Variants in KATNAL2 observed in about 807,000 individuals in gnomAD.
KATNAL2 encodes katanin catalytic subunit A1 like 2, also known as katanin p60 ATPase-containing subunit A-like 2.
KATNAL2 carries 52 observed loss-of-function variants against 76.3 expected under a neutral mutation model. The observed-to-expected ratio is 0.68, with a 90% confidence interval of 0.55 to 0.86. The LOEUF is 0.86. Ranked by LOEUF, KATNAL2 falls within the 40% of genes least tolerant of loss-of-function variation. The probability of loss-of-function intolerance (pLI) is 0.00; values close to 1 mark genes in which losing one functional copy is unlikely to be tolerated. For synonymous variants in KATNAL2, 243 were observed against 244.2 expected (o/e 1.00, Z 0.05); for missense variants, 660 against 668.9 (o/e 0.99, Z 0.15).
intron 14 of KATNAL2, 34 bp downstream of exon 14, chr18:47,075,402 G>GT (rs771370827): frequency 1.2e-5 from 17 of 1,415,720 alleles, no homozygotes; most frequent in East Asian, 8.4e-5. Flanking sequence ...TGTTGTTGTT[G>GT]TTTTTTGTCA....
chr18:47,032,620 G>C (rs2060524613), intron 3 of KATNAL2: 1 of 300,108 alleles, frequency 3.3e-6, no homozygotes, highest in Non-Finnish European at 6.2e-6. Context: ...TCAACTAATG[G>C]CTTGTGTGTT....
chr18:47,084,942 A>G (rs1193906774), intron 15 of KATNAL2, among the ~76,000 whole-genome samples: 1 of 134,216 alleles, frequency 7.5e-6, no homozygotes, highest in Non-Finnish European at 1.6e-5. Context: ...TGGCACCCCC[A>G]CCACCGTCTC....
rs771041874 is a variant in KATNAL2 at position 47,033,023 on chromosome 18, T to C, written c.52-13434T>C. 2.4e-5 allele frequency: 39 copies of C among 1,613,988 alleles called. No individual in the cohort carries two copies. The highest frequency in any genetic ancestry group is 2.8e-5 in the Non-Finnish European group (33 of 1,180,032). ...TGAGTTTATCGTCGGGAGAATCTTC[T>C]CTTGTAGTCTCGAATTGCCTTGGCC... On this transcript the variant is annotated intron_variant, in intron 3 of 17. Coordinates refer to ENST00000683218, the MANE Select transcript of KATNAL2 (RefSeq NM_001387690.1).
chr18:47,067,345 G>T (rs576791346), intron 11 of KATNAL2, among the ~76,000 whole-genome samples: 1 of 152,184 alleles, frequency 6.6e-6, no homozygotes, highest in Non-Finnish European at 1.5e-5. Context: ...TCTGAGCTAA[G>T]TGAAACTTTA....
intron 6 of KATNAL2, among the ~76,000 whole-genome samples, chr18:47,055,261 T>C (rs1043659177): frequency 1.3e-5 from 2 of 152,168 alleles, no homozygotes; most frequent in Non-Finnish European, 1.5e-5. Context: ...CTGTTGCTAT[T>C]ACAGTAGGGC....
intron 10 of KATNAL2, among the ~76,000 whole-genome samples, chr18:47,066,632 G>A (rs577316949): frequency 6.6e-6 from 1 of 152,016 alleles, no homozygotes; most frequent in African/African-American, 2.4e-5. Context: ...CCTAATGTAA[G>A]TTGAAGGCAT....
At chr18:47,087,597 A>G (rs1179279927) in intron 15 of KATNAL2, among the ~76,000 whole-genome samples, 1 of 152,200 alleles carries the variant, frequency 6.6e-6, no homozygotes, top group Non-Finnish European at 1.5e-5. Flanking sequence ...ACTATTGGGT[A>G]CTGGGCTTTG....
At chr18:47,034,488 T>G (rs761587960) in intron 3 of KATNAL2, 1 of 1,614,038 alleles carries the variant, frequency 6.2e-7, no homozygotes, top group African/African-American at 1.3e-5. Flanking sequence ...GGGTTTCCTC[T>G]CTTAAGCAGG....
chr18:47,090,667 T>C (rs1486461117), intron 15 of KATNAL2, among the ~76,000 whole-genome samples: 1 of 151,756 alleles, frequency 6.6e-6, no homozygotes, highest in Non-Finnish European at 1.5e-5. Flanking sequence ...CTTTATGAGG[T>C]AGAGAGCACT....
chr18:47,077,588 AG>A (rs1362642116), intron 15 of KATNAL2, 127 bp downstream of exon 15: 2 of 670,786 alleles, frequency 3.0e-6, no homozygotes, highest in Non-Finnish European at 5.3e-6. Context: ...ATTAATGTGG[AG>A]GCTTTACTGT....
rs764529343 is a variant in KATNAL2, at chr18:46,949,641, G to A, written c.51+2718G>A. On this transcript the variant is annotated intron_variant, in intron 3 of 17. Transcript: ENST00000683218. ...ACCCCAGTGAAACCACCATTCATCCGATTGCTCAAATCGTAATTCTGGGGG... is the reference window on the plus strand; with the variant it reads ...ACCCCAGTGAAACCACCATTCATCCAATTGCTCAAATCGTAATTCTGGGGG... Among the ~76,000 whole-genome samples, 17 of 152,178 alleles carry A rather than the reference G, an allele frequency of 1.1e-4. 1 individual carries two copies. Among genetic ancestry groups the A allele is most frequent in the Non-Finnish European group, 1.6e-4 (11 of 68,042 alleles).
chr18:46,917,620 G>T lies in KATNAL2; in HGVS notation c.-816G>T, dbSNP rs2058141926. 1.1e-6 allele frequency: 1 copy of T among 912,126 alleles called. No homozygotes were observed. Among genetic ancestry groups the T allele is most frequent in the Non-Finnish European group, 1.3e-6 (1 of 757,548 alleles). 56.5% of individuals were successfully genotyped at this position (912,126 alleles called of 1,614,324 possible). A position where few individuals can be genotyped will look rare whatever the true frequency, so the allele number is the denominator to read the frequency against. ...CGCCTTCAGTCCGCGCGGCGACAGC[G>T]CCCGCCCGCGCCTGCCCCGGCGTGC... On this transcript the variant is annotated 5_prime_UTR_variant, in exon 1 of 18. Transcript: ENST00000683218.
chr18:46,957,933 T>C (rs1469126080), intron 3 of KATNAL2, among the ~76,000 whole-genome samples: 2 of 151,920 alleles, frequency 1.3e-5, no homozygotes, highest in East Asian at 3.9e-4. Context: ...CCTGACCTCG[T>C]GATCCATCTG....
At chr18:47,054,495 C>T in intron 6 of KATNAL2, 57 bp downstream of exon 6, 2 of 1,518,206 alleles carry the variant, frequency 1.3e-6, no homozygotes, top group Non-Finnish European at 9.1e-7. Flanking sequence ...TGTGGAATCC[C>T]TTTCCAGAAG....
intron 3 of KATNAL2, among the ~76,000 whole-genome samples, chr18:46,965,033 C>T (rs74351535): frequency 9.1e-3 from 1,061 of 116,300 alleles, no homozygotes; most frequent in East Asian, 0.033. Flanking sequence ...GGAAGAAGAA[C>T]CAACAGAGGA....
chr18:47,100,983 A>C lies in KATNAL2; in HGVS notation c.1595A>C (p.Gln532Pro). Residue 532 changes from glutamine to proline, a missense_variant, in exon 18 of 18, where the codon CAA (glutamine) becomes CCA (proline). Gln to Pro is a moderately conservative substitution (Grantham distance 76). Coordinates refer to ENST00000683218, the MANE Select transcript of KATNAL2 (RefSeq NM_001387690.1). ...CTGGCTCAGAGATACTCAGACTGGC[A>C]AAGAGAGTTCGAGTCTGTCTGAAAC... ...KNLAQRYSDW[Q>P]REFESV 1 of 1,614,022 alleles carries C rather than the reference A, an allele frequency of 6.2e-7. No individual in the cohort carries two copies. Among genetic ancestry groups the C allele is most frequent in the Non-Finnish European group, 8.5e-7 (1 of 1,179,908 alleles).
intron 1 of KATNAL2, among the ~76,000 whole-genome samples, chr18:46,936,191 T>C (rs1052135862): frequency 3.9e-5 from 6 of 152,126 alleles, no homozygotes; most frequent in East Asian, 1.9e-4. Context: ...ATTAAAGATA[T>C]AGATTTTTGA....
At chr18:47,054,833 T>G (rs2061427672) in intron 6 of KATNAL2, among the ~76,000 whole-genome samples, 1 of 152,218 alleles carries the variant, frequency 6.6e-6, no homozygotes, top group African/African-American at 2.4e-5. Context: ...CTTTTCATCA[T>G]TTAGTTAATT....
At position 47,099,300 on chromosome 18, in the gene KATNAL2, C is replaced by T; in HGVS notation, c.1269C>T (p.Pro423=). The change falls in exon 16 of 18, where the codon CCC becomes CCT. Residue 423 remains proline (P), a synonymous_variant. Coordinates refer to ENST00000683218, the MANE Select transcript of KATNAL2 (RefSeq NM_001387690.1). ...AGAAGAGGATTCTGGTCGATCTCCC[C>T]AGCCGGGAGGCCAGGCAGGCCATGA... is the stretch of plus-strand genomic sequence containing the variant. ...RLEKRILVDL[P]SREARQAMIY... The T allele has an allele frequency of 6.2e-7, 1 of 1,614,142 alleles. No individual in the cohort carries two copies. The highest frequency in any genetic ancestry group is 1.3e-5 in the African/African-American group (1 of 75,046).
Sources: allele counts gnomAD v4.1 joint callset (sites outside exome capture counted in the v4.1 genomes callset), GRCh38; gene constraint gnomAD v4.1.1; transcripts MANE v1.5; gene names NCBI Gene and HGNC (gene_info 2026-07-23, HGNC 2026-07-21).